The following TMEM265 variants were observed in gnomAD, a reference collection of about 807,000 sequenced individuals.
TMEM265 encodes the protein transmembrane protein 265.
TMEM265 carries 8 observed loss-of-function variants against 9.5 expected under a neutral mutation model. The observed-to-expected ratio is 0.84, with a 90% confidence interval of 0.49 to 1.52. TMEM265 has a LOEUF of 1.52. Ranked by LOEUF, TMEM265 falls within the 40% of genes most tolerant of loss-of-function variation. The pLI is 0.00. For missense variants in TMEM265, 152 were observed against 146.2 expected, an observed-to-expected ratio of 1.04 and a Z score of -0.21; for synonymous variants, 53 against 56.9, an observed-to-expected ratio of 0.93 and a Z score of 0.31.
At position 30,743,803 on chromosome 16, in the gene TMEM265, G is replaced by A; in HGVS notation, c.187G>A (p.Gly63Ser). ...AIKAEERHKAGRSEEAVRWGA... is the reference protein window; with the variant it reads ...AIKAEERHKASRSEEAVRWGA... ...ACAGGCGGAAGAGCGGCATAAAGCA[G>A]GCCGGTCCGAGGAGGCAGTGCGCTG... The change falls in exon 3 of 3, where the codon GGC becomes AGC. Residue 63 changes from glycine (G) to serine (S), a missense_variant. Gly to Ser is a moderately conservative substitution (Grantham distance 56). Coordinates refer to ENST00000615541, the MANE Select transcript of TMEM265 (RefSeq NM_001256829.2). The A allele has an allele frequency of 6.5e-7, 1 of 1,532,910 alleles. No individual in the cohort carries two copies. Among genetic ancestry groups the A allele is most frequent in the South Asian group, 1.2e-5 (1 of 83,862 alleles). 95.0% of individuals were successfully genotyped at this position (1,532,910 alleles called of 1,614,324 possible).
rs2053248512 is a variant in TMEM265 at position 30,745,055 on chromosome 16, C to G, written c.*1112C>G. ...GCCTCCTTTATACTCCTCCCAATCA[C>G]TGCTACTTCCTTTCTTCCCACAGGT... is the stretch of plus-strand genomic sequence containing the variant. On this transcript the variant is annotated 3_prime_UTR_variant, in exon 3 of 3. Coordinates refer to ENST00000615541, the MANE Select transcript of TMEM265 (RefSeq NM_001256829.2). 1.3e-5 allele frequency: 2 copies of G among 152,278 alleles called. No homozygotes were observed. Among genetic ancestry groups the G allele is most frequent in the South Asian group, 2.1e-4 (1 of 4,836 alleles). 9.4% of individuals were successfully genotyped at this position (152,278 alleles called of 1,614,324 possible).
intron 2 of TMEM265, among the ~76,000 whole-genome samples, chr16:30,742,546 G>A (rs998576502): frequency 6.6e-6 from 1 of 152,196 alleles, no homozygotes; most frequent in Non-Finnish European, 1.5e-5. Flanking sequence ...GCTGGAGGCC[G>A]CTGAACGGTG....
rs963250023 is a variant in TMEM265 at position 30,744,685 on chromosome 16, G to A, written c.*742G>A. 6.6e-6 allele frequency: 1 copy of A among 152,188 alleles called. No individual in the cohort carries two copies. Among genetic ancestry groups the A allele is most frequent in the African/African-American group, 2.4e-5 (1 of 41,442 alleles). The allele number at this position is 152,188 out of a possible 1,614,324, so 9.4% of individuals were successfully genotyped here. On this transcript the variant is annotated 3_prime_UTR_variant, in exon 3 of 3. Transcript: ENST00000615541. ...CTGGAAGAAATGTTCTAAAATGACA[G>A]TGTTCTCGTTTTATACTTGAAGAAA... is the stretch of plus-strand genomic sequence containing the variant.
At chr16:30,741,625 T>A (rs1413843215) in intron 1 of TMEM265, 116 bp from the exon 2 acceptor site, 1 of 1,156,134 alleles carries the variant, frequency 8.6e-7, no homozygotes, top group Non-Finnish European at 1.2e-6. Flanking sequence ...AAGGCAACAT[T>A]CCTGAGTGCC....
chr16:30,741,755 G>T lies in TMEM265; in HGVS notation c.12G>T (p.Glu4Asp). The T allele has an allele frequency of 6.5e-7, 1 of 1,533,800 alleles. No homozygotes were observed. The highest frequency in any genetic ancestry group is 1.2e-5 in the South Asian group (1 of 83,962). ...ATCGCCCACAGGTGATGGAGGACGA[G>T]GAGAAGGCAGTGGAGATCTTGGGCA... MED[E>D]EKAVEILGNT... Residue 4 changes from glutamate to aspartate, a missense_variant, in exon 2 of 3, where the codon GAG becomes GAT. Physicochemically the swap from Glu to Asp is conservative, Grantham distance 45. Transcript: ENST00000615541.
At chr16:30,741,954 T>C in intron 2 of TMEM265, 46 bp downstream of exon 2, 1 of 1,510,720 alleles carries the variant, frequency 6.6e-7, no homozygotes, top group Non-Finnish European at 8.9e-7. Context: ...TATAAGGCAA[T>C]GGTTTCATGT....
At chr16:30,741,456 A>C (rs1470394661) in intron 1 of TMEM265, 3 of 318,664 alleles carry the variant, frequency 9.4e-6, no homozygotes, top group Non-Finnish European at 1.2e-5. Flanking sequence ...TGCACCTGTC[A>C]TTTGGCTTCT....
chr16:30,742,187 T>C (rs1454746024), intron 2 of TMEM265, among the ~76,000 whole-genome samples: 2 of 152,180 alleles, frequency 1.3e-5, no homozygotes, highest in Admixed American at 6.6e-5. Context: ...TATGTAATTA[T>C]ATATGTGTAT....
In TMEM265 at chr16:30,743,954, C is replaced by G. The variant is rs1235401277; in HGVS notation, c.*11C>G. 3.5e-5 allele frequency: 53 copies of G among 1,531,288 alleles called. No individual in the cohort carries two copies. The highest frequency in any genetic ancestry group is 4.3e-5 in the Non-Finnish European group (49 of 1,145,146). 94.9% of individuals were successfully genotyped at this position (1,531,288 alleles called of 1,614,324 possible). On this transcript the variant is annotated 3_prime_UTR_variant, in exon 3 of 3. Coordinates refer to ENST00000615541, the MANE Select transcript of TMEM265 (RefSeq NM_001256829.2). Reference sequence around the variant, plus strand: ...GCTCAGGCTGAGTGACCCTGGATGGCCTCTGCTGAGAGCCAGCCGAGACCT... The same window carrying G: ...GCTCAGGCTGAGTGACCCTGGATGGGCTCTGCTGAGAGCCAGCCGAGACCT...
At chr16:30,741,086 C>T (rs182162636) in intron 1 of TMEM265, 2 of 152,316 alleles carry the variant, frequency 1.3e-5, no homozygotes, top group East Asian at 3.9e-4. Context: ...GTGTACTAGT[C>T]TGATTGTGTT....
At position 30,741,793 on chromosome 16, in the gene TMEM265, C is replaced by T. The variant is rs942422443; in HGVS notation, c.50C>T (p.Ala17Val). The change falls in exon 2 of 3, where the codon GCT becomes GTT. Residue 17 changes from alanine to valine, a missense_variant. Transcript: ENST00000615541. ...AVEILGNTEAAHPPSPIRCCW... is the reference protein window; with the variant it reads ...AVEILGNTEAVHPPSPIRCCW... ...GAGATCTTGGGCAACACGGAAGCTG[C>T]TCATCCTCCATCCCCCATCCGCTGC... is the stretch of plus-strand genomic sequence containing the variant. The T allele has an allele frequency of 4.6e-6, 7 of 1,532,818 alleles. No individual in the cohort carries two copies. The highest frequency in any genetic ancestry group is 1.4e-5 in the African/African-American group (1 of 72,722). The allele number at this position is 1,532,818 out of a possible 1,614,324, so 95.0% of individuals were successfully genotyped here. A position where few individuals can be genotyped will look rare whatever the true frequency, so the allele number is the denominator to read the frequency against.
intron 1 of TMEM265, chr16:30,741,453 G>T: frequency 3.2e-6 from 1 of 316,510 alleles, no homozygotes; most frequent in South Asian, 1.0e-4. Context: ...GTGTGCACCT[G>T]TCATTTGGCT....
Position 30,743,913 on chromosome 16 carries a change from G to C in TMEM265, c.297G>C (p.Leu99Phe). 1 of 1,533,882 alleles carries C rather than the reference G, an allele frequency of 6.5e-7. No individual in the cohort carries two copies. The highest frequency in any genetic ancestry group is 1.2e-5 in the South Asian group (1 of 83,960). Reference protein sequence around the residue: ...VLILGPLLLWLLSYAIAQAE With the variant: ...VLILGPLLLWFLSYAIAQAE ...TTCTGGGTCCCCTGCTGCTGTGGTT[G>C]CTCTCCTACGCCATCGCTCAGGCTG... Residue 99 changes from leucine to phenylalanine, a missense_variant, in exon 3 of 3, where the codon TTG becomes TTC. Leu to Phe is a conservative substitution (Grantham distance 22). Transcript: ENST00000615541.
intron 2 of TMEM265, among the ~76,000 whole-genome samples, chr16:30,743,486 A>G (rs776896288): frequency 6.6e-6 from 1 of 152,252 alleles, no homozygotes; most frequent in Non-Finnish European, 1.5e-5. Context: ...TTTCTTGCCA[A>G]TAGTTACAAA....
Position 30,743,920 on chromosome 16 carries a change from T to C in TMEM265, c.304T>C (p.Tyr102His). Residue 102 changes from tyrosine to histidine, a missense_variant, in exon 3 of 3, where the codon TAC (tyrosine) becomes CAC (histidine). By Grantham distance (83) the Tyr-to-His change is moderately conservative. Coordinates refer to ENST00000615541, the MANE Select transcript of TMEM265 (RefSeq NM_001256829.2). ...LGPLLLWLLS[Y>H]AIAQAE ...TCCCCTGCTGCTGTGGTTGCTCTCC[T>C]ACGCCATCGCTCAGGCTGAGTGACC... The C allele has an allele frequency of 6.5e-7, 1 of 1,533,870 alleles. No individual in the cohort carries two copies.
chr16:30,744,178 T>G lies in TMEM265; in HGVS notation c.*235T>G. On this transcript the variant is annotated 3_prime_UTR_variant, in exon 3 of 3. Coordinates refer to ENST00000615541, the MANE Select transcript of TMEM265 (RefSeq NM_001256829.2). ...CAGGGCCCCCCACCCCCATCTCCCC[T>G]ACCCTAGCCCACCCTAGGGCCTCTA... 1 of 416,766 alleles carries G rather than the reference T, an allele frequency of 2.4e-6. No individual in the cohort carries two copies. Among genetic ancestry groups the G allele is most frequent in the Non-Finnish European group, 4.2e-6 (1 of 238,546 alleles). The allele number at this position is 416,766 out of a possible 1,614,324, so 25.8% of individuals were successfully genotyped here.
In TMEM265 at chr16:30,743,766, G is replaced by A; in HGVS notation, c.166-16G>A. 2 of 1,513,508 alleles carry A rather than the reference G, an allele frequency of 1.3e-6. No individual in the cohort carries two copies. The highest frequency in any genetic ancestry group is 1.8e-6 in the Non-Finnish European group (2 of 1,133,830). The allele number at this position is 1,513,508 out of a possible 1,614,324, so 93.8% of individuals were successfully genotyped here. On this transcript the variant is annotated splice_polypyrimidine_tract_variant and intron_variant, in intron 2 of 2. Coordinates refer to ENST00000615541, the MANE Select transcript of TMEM265 (RefSeq NM_001256829.2). ...AGAAGCAGGGGGAGAACCTAACCAA[G>A]AACCTGCCCCCACAGGCGGAAGAGC...
intron 1 of TMEM265, chr16:30,741,270 T>C (rs2053222129): frequency 6.5e-6 from 1 of 152,940 alleles, no homozygotes; most frequent in Non-Finnish European, 1.5e-5. Context: ...TCATGTAAAA[T>C]GGCTGCTTTG....
intron 1 of TMEM265, chr16:30,741,523 T>TTTCAA (rs2053225213): frequency 5.9e-6 from 3 of 511,272 alleles, no homozygotes; most frequent in Non-Finnish European, 1.0e-5. Context: ...ACTGGCTTGC[T>TTTCAA]TTCAAAGACT....
Sources: gnomAD v4.1 joint callset for allele counts (sites outside exome capture counted in the v4.1 genomes callset) on GRCh38, gnomAD v4.1.1 for gene constraint, MANE v1.5 for transcripts, NCBI Gene and HGNC (gene_info 2026-07-23, HGNC 2026-07-21) for gene names.